Variants in CPNE2 observed in about 807,000 individuals in gnomAD.
CPNE2 encodes copine-2.
Under a neutral mutation model 69.7 loss-of-function variants are expected in CPNE2, and 42 were observed. That is an observed-to-expected ratio of 0.60 (90% CI 0.47 to 0.78). The LOEUF (loss-of-function observed/expected upper bound fraction) is 0.78, where lower values mean the gene tolerates loss of function less well. CPNE2 is among the 30% of genes least tolerant of loss of function. The pLI is 0.00. For synonymous variants in CPNE2, 294 were observed against 289.8 expected, an observed-to-expected ratio of 1.01 and a Z score of -0.15; for missense variants, 587 against 732.0, an observed-to-expected ratio of 0.80 and a Z score of 2.29.
chr16:57,145,736 C>G lies in CPNE2; in HGVS notation c.1303-349C>G, dbSNP rs2069952311. On this transcript the variant is annotated intron_variant, in intron 14 of 15. Coordinates refer to ENST00000290776, the MANE Select transcript of CPNE2 (RefSeq NM_152727.6). The stretch of plus-strand genomic sequence containing the variant: ...TGCAGATGAAGAAACTGAGGCACTA[C>G]GAGTCAAGTCAGTTGCCTAGAGTCC... 3 of 274,960 alleles carry G rather than the reference C, an allele frequency of 1.1e-5. No homozygotes were observed. The South Asian group carries it at 1.3e-4, about 12-fold the overall frequency. 17.0% of individuals were successfully genotyped at this position (274,960 alleles called of 1,614,324 possible). A position where few individuals can be genotyped will look rare whatever the true frequency, so the allele number is the denominator to read the frequency against.
Position 57,092,906 on chromosome 16 carries a change from G to A in CPNE2, c.-36+116G>A, listed in dbSNP as rs568807772. 5.9e-5 allele frequency: 9 copies of A among 152,034 alleles called. No individual in the cohort carries two copies. Among genetic ancestry groups the A allele is most frequent in the Non-Finnish European group, 1.0e-4 (7 of 67,930 alleles). The allele number at this position is 152,034 out of a possible 1,614,324, so 9.4% of individuals were successfully genotyped here. A position where few individuals can be genotyped will look rare whatever the true frequency, so the allele number is the denominator to read the frequency against. On this transcript the variant is annotated intron_variant, in intron 1 of 15. Transcript: ENST00000290776. The surrounding 1 kb of genome is among the most constrained non-coding windows in gnomAD (Gnocchi z 5.3). ...AGGAACCCGGGTTCCGCCTCGGGGG[G>A]CTGCGGCGCTCTAGCCCCCGCCGCC...
chr16:57,128,754 C>CA (rs1275219254), intron 12 of CPNE2, among the ~76,000 whole-genome samples: 7 of 152,198 alleles, frequency 4.6e-5, no homozygotes, highest in Non-Finnish European at 1.5e-5. Context: ...GTCACCCCTC[C>CA]ATCCTCTCGC....
intron 10 of CPNE2, chr16:57,124,063 CTTTCTTTTCT>C (rs377529014): frequency 3.5e-3 from 629 of 177,530 alleles, no homozygotes; most frequent in Non-Finnish European, 5.5e-3. Context: ...TTCCTATTTT[CTTTCTTTTCT>C]TTTCTTTTCT....
chr16:57,119,151 G>A, intron 5 of CPNE2, 44 bp from the exon 6 acceptor site: 1 of 1,564,238 alleles, frequency 6.4e-7, no homozygotes, highest in African/African-American at 1.4e-5. Flanking sequence ...CCTGAACCTA[G>A]CAGGGCTGTA....
In CPNE2 at chr16:57,146,172, C is replaced by T; in HGVS notation, c.1390C>T (p.Pro464Ser). ...RHAVVQASKL[P>S]MSIIIVGVGN... ...TGCCGTGGTGCAGGCTTCCAAGCTG[C>T]CCATGTCCATCATCATCGTGGGCGT... is the stretch of plus-strand genomic sequence containing the variant. Residue 464 changes from proline (P) to serine (S), a missense_variant, in exon 15 of 16, where the codon CCC (proline) becomes TCC (serine). By Grantham distance (74) the Pro-to-Ser change is moderately conservative (BLOSUM62 -1). Coordinates refer to ENST00000290776, the MANE Select transcript of CPNE2 (RefSeq NM_152727.6). The surrounding 1 kb of genome is among the most constrained non-coding windows in gnomAD (Gnocchi z 4.4). 2 of 1,582,748 alleles carry T rather than the reference C, an allele frequency of 1.3e-6. No individual in the cohort carries two copies. The highest frequency in any genetic ancestry group is 1.7e-6 in the Non-Finnish European group (2 of 1,163,446).
Position 57,134,146 on chromosome 16 carries a change from T to C in CPNE2, c.1117-629T>C, listed in dbSNP as rs577772707. ...GTCCCGGAGTGTCCGGGTCAGTCTC[T>C]GATGATCCTCTGGGGCTGGGTGCTG... is the stretch of plus-strand genomic sequence containing the variant. On this transcript the variant is annotated intron_variant, in intron 12 of 15. Transcript: ENST00000290776. 2.6e-5 allele frequency among the ~76,000 whole-genome samples: 4 copies of C among 152,300 alleles called. No individual in the cohort carries two copies. In the East Asian group the frequency reaches 7.7e-4, roughly 29 times the overall value.
At chr16:57,144,578 C>G (rs1364011778) in intron 14 of CPNE2, 1 of 152,302 alleles carries the variant, frequency 6.6e-6, no homozygotes, top group Non-Finnish European at 1.5e-5. Context: ...AAGAGCTGAT[C>G]TGTTGATGTT....
intron 1 of CPNE2, chr16:57,094,035 A>G (rs1472578007): frequency 6.6e-6 from 3 of 456,650 alleles, no homozygotes; most frequent in African/African-American, 4.0e-5. Context: ...TGCCTCCTGG[A>G]GAATGGACAC....
At position 57,147,893 on chromosome 16, in the gene CPNE2, A is replaced by T. The variant is rs1314157733; in HGVS notation, c.*235A>T. Reference sequence around the variant, plus strand: ...CTCTCCTCCTCTCCCCACCTTTGCCATTCTTAAGTATTGAATGTACTTTGT... The same window carrying T: ...CTCTCCTCCTCTCCCCACCTTTGCCTTTCTTAAGTATTGAATGTACTTTGT... On this transcript the variant is annotated 3_prime_UTR_variant, in exon 16 of 16. Transcript: ENST00000290776. 1 of 392,628 alleles carries T rather than the reference A, an allele frequency of 2.5e-6. No homozygotes were observed. The highest frequency in any genetic ancestry group is 4.5e-6 in the Non-Finnish European group (1 of 221,558). 24.3% of individuals were successfully genotyped at this position (392,628 alleles called of 1,614,324 possible).
rs1473637373 is a variant in CPNE2, at chr16:57,130,350, ACT to A, written c.1116+2450_1116+2451del. 6.6e-6 allele frequency among the ~76,000 whole-genome samples: 1 copy of A among 151,980 alleles called. No homozygotes were observed. The highest frequency in any genetic ancestry group is 1.9e-4 in the East Asian group (1 of 5,176). On this transcript the variant is annotated intron_variant, in intron 12 of 15. Transcript: ENST00000290776. The surrounding 1 kb of genome is among the most constrained non-coding windows in gnomAD (Gnocchi z 4.1). ...ACTCCAGCCTGGGTGACAGAGTGAG[ACT>A]CTGTCTCTAAAAAATTAATTAATTA...
intron 14 of CPNE2, among the ~76,000 whole-genome samples, chr16:57,140,419 G>A (rs1201990676): frequency 5.9e-5 from 9 of 151,978 alleles, no homozygotes; most frequent in Middle Eastern, 3.4e-3. Context: ...TGATCCGCCC[G>A]CCTCAGCCTC....
chr16:57,100,487 A>G (rs2069606428), intron 1 of CPNE2, among the ~76,000 whole-genome samples: 1 of 152,218 alleles, frequency 6.6e-6, no homozygotes, highest in Admixed American at 6.5e-5. Flanking sequence ...AGCATTTTGT[A>G]ATTTCCATGT....
In CPNE2 at chr16:57,127,917, G is replaced by T. The variant is rs1567670885; in HGVS notation, c.1116+14G>T. On this transcript the variant is annotated intron_variant, in intron 12 of 15. Coordinates refer to ENST00000290776, the MANE Select transcript of CPNE2 (RefSeq NM_152727.6). The stretch of plus-strand genomic sequence containing the variant: ...CCAGACTGGAAGGTGAGTGAAACCG[G>T]AGTTAGTTTCCTTTTGGTTGAGATG... 6.2e-7 allele frequency: 1 copy of T among 1,614,006 alleles called. No homozygotes were observed. Among genetic ancestry groups the T allele is most frequent in the Non-Finnish European group, 8.5e-7 (1 of 1,179,878 alleles).
chr16:57,123,592 G>A, intron 10 of CPNE2, 119 bp downstream of exon 10: 1 of 1,083,346 alleles, frequency 9.2e-7, no homozygotes, highest in Non-Finnish European at 1.4e-6. Context: ...GGACTTCCCT[G>A]GGGCAAAGAG....
At chr16:57,147,393 T>C (rs1441272146) in intron 15 of CPNE2, 158 bp from the exon 16 acceptor site, 4 of 457,754 alleles carry the variant, frequency 8.7e-6, no homozygotes, top group Non-Finnish European at 1.5e-5. Flanking sequence ...TGGGCTGAGA[T>C]GAGGGATGCC....
At chr16:57,115,577 A>G in intron 4 of CPNE2, 27 bp downstream of exon 4, 2 of 1,540,578 alleles carry the variant, frequency 1.3e-6, no homozygotes, top group Non-Finnish European at 1.8e-6. Context: ...GGCTCTCCGC[A>G]CCCCCTCCAT....
At chr16:57,124,298 T>C (rs2069784594) in intron 10 of CPNE2, 1 of 427,462 alleles carries the variant, frequency 2.3e-6, no homozygotes. Flanking sequence ...CCCAGGCTGG[T>C]CTCAAACTCC....
intron 1 of CPNE2, among the ~76,000 whole-genome samples, chr16:57,096,290 T>C (rs2069577794): frequency 6.6e-6 from 1 of 152,218 alleles, no homozygotes; most frequent in South Asian, 2.1e-4. Flanking sequence ...CAGTGTGTGG[T>C]GCTCAACTAG....
At chr16:57,108,392 A>C (rs1338926838) in intron 1 of CPNE2, among the ~76,000 whole-genome samples, 1 of 152,226 alleles carries the variant, frequency 6.6e-6, no homozygotes, top group African/African-American at 2.4e-5. Flanking sequence ...TTGTGTTCCC[A>C]GAGGGGGCCC....
Sources: allele counts gnomAD v4.1 joint callset (sites outside exome capture counted in the v4.1 genomes callset), GRCh38; gene constraint gnomAD v4.1.1; non-coding constraint Gnocchi (gnomAD v3.1); transcripts MANE v1.5; gene names NCBI Gene and HGNC (gene_info 2026-07-23, HGNC 2026-07-21).